Variants in FCSK observed in about 807,000 individuals in gnomAD.
FCSK encodes the protein fucose kinase.
A neutral mutation model predicts 122.5 loss-of-function variants in FCSK; 123 were observed. The ratio of observed to expected loss-of-function variants is 1.00; its 90% CI spans 0.87 to 1.17. The LOEUF (loss-of-function observed/expected upper bound fraction) is 1.17. FCSK is among the 50% of genes most tolerant of loss of function. FCSK has a pLI of 0.00. For missense variants in FCSK, 1,366 were observed against 1,450.4 expected (o/e 0.94, Z 0.95); for synonymous variants, 620 against 625.5 (o/e 0.99, Z 0.13).
At position 70,473,071 on chromosome 16, in the gene FCSK, G is replaced by A; in HGVS notation, c.1495G>A (p.Glu499Lys). The change falls in exon 15 of 24, where the codon GAG becomes AAG. Residue 499 changes from glutamate (E) to lysine (K), a missense_variant. By Grantham distance (56) the Glu-to-Lys change is moderately conservative. Transcript: ENST00000288078. This position sits in a 1 kb window ranked among gnomAD's most constrained non-coding sequence, Gnocchi z 4.9. ...RLFPVLHPSR[E>K]LGPQDLLWML... ...CTTTCCTGTGCTCCACCCCTCGAGGGAGCTGGGACCCCAGGACCTGCTGTG... is the reference window on the plus strand; with the variant it reads ...CTTTCCTGTGCTCCACCCCTCGAGGAAGCTGGGACCCCAGGACCTGCTGTG... 2 of 1,591,142 alleles carry A rather than the reference G, an allele frequency of 1.3e-6. No homozygotes were observed. Among genetic ancestry groups the A allele is most frequent in the Non-Finnish European group, 1.7e-6 (2 of 1,169,682 alleles).
intron 14 of FCSK, 92 bp downstream of exon 14, chr16:70,472,697 C>A: frequency 1.9e-6 from 2 of 1,079,458 alleles, no homozygotes; most frequent in South Asian, 1.5e-5. Context: ...CCCAGAGCAG[C>A]ACGGGCCGTG....
chr16:70,475,596 C>A, intron 19 of FCSK, 52 bp from the exon 20 acceptor site: 1 of 1,576,526 alleles, frequency 6.3e-7, no homozygotes, highest in Non-Finnish European at 8.6e-7. Context: ...GTCAGGCAGG[C>A]CTGGGCAGGG....
At chr16:70,478,132 C>T in intron 20 of FCSK, 140 bp from the exon 21 acceptor site, 1 of 739,646 alleles carries the variant, frequency 1.4e-6, no homozygotes. Flanking sequence ...ACAGAAGCTG[C>T]ATAGCTCACT....
Position 70,474,174 on chromosome 16 carries a change from C to A in FCSK, c.1823C>A (p.Ala608Asp). 1 of 1,561,652 alleles carries A rather than the reference C, an allele frequency of 6.4e-7. No individual in the cohort carries two copies. The highest frequency in any genetic ancestry group is 8.7e-7 in the Non-Finnish European group (1 of 1,153,454). ...GDPGVAARALACVADVLGCMA... is the reference protein window; with the variant it reads ...GDPGVAARALDCVADVLGCMA... ...CCTGGTGTGGCGGCACGGGCACTGG[C>A]CTGTGTGGCGGACGTCCTGGGCTGC... is the stretch of plus-strand genomic sequence containing the variant. The change falls in exon 16 of 24, where the codon GCC (alanine) becomes GAC (aspartate). Residue 608 changes from alanine to aspartate, a missense_variant. Coordinates refer to ENST00000288078, the MANE Select transcript of FCSK (RefSeq NM_145059.3).
intron 9 of FCSK, 35 bp from the exon 10 acceptor site, chr16:70,469,117 C>T: frequency 6.2e-7 from 1 of 1,612,896 alleles, no homozygotes; most frequent in Non-Finnish European, 8.5e-7. Context: ...GAACCCCTGC[C>T]ATGCCAATAG....
At chr16:70,472,005 C>T (rs1225348286) in intron 13 of FCSK, among the ~76,000 whole-genome samples, 2 of 152,214 alleles carry the variant, frequency 1.3e-5, no homozygotes, top group South Asian at 2.1e-4. Flanking sequence ...GATGAGGTTT[C>T]ACCGCGTTAG....
Position 70,479,602 on chromosome 16 carries a change from C to T in FCSK, c.3177C>T (p.His1059=). ...AGGGCCTTGGGAATTACAGCATCCA[C>T]CTGGTTGAAGTGGACACTCAGGGCC... The part of the protein sequence containing the change: ...KTEGLGNYSI[H]LVEVDTQGLS... The change falls in exon 24 of 24, where the codon CAC becomes CAT. Residue 1059 remains histidine (H), a synonymous_variant. Coordinates refer to ENST00000288078, the MANE Select transcript of FCSK (RefSeq NM_145059.3). 6.2e-7 allele frequency: 1 copy of T among 1,614,094 alleles called. No homozygotes were observed. The highest frequency in any genetic ancestry group is 8.5e-7 in the Non-Finnish European group (1 of 1,179,960).
chr16:70,458,889 A>C (rs1477600652), intron 1 of FCSK, among the ~76,000 whole-genome samples: 1 of 152,166 alleles, frequency 6.6e-6, no homozygotes, highest in Non-Finnish European at 1.5e-5. Flanking sequence ...GGTTTATTGT[A>C]GTGGTTAAGC....
chr16:70,474,926 G>A lies in FCSK; in HGVS notation c.2292G>A (p.Val764=), dbSNP rs1383898816. The change falls in exon 18 of 24, where the codon GTG becomes GTA. Residue 764 remains valine, a synonymous_variant. Transcript: ENST00000288078. ...CGGAGCCTGAGCTGTGGCTGGCGGT[G>A]GGGCCTCGGCAGGATGAGATGACTG... is the stretch of plus-strand genomic sequence containing the variant. The part of the protein sequence containing the change: ...RIPEPELWLA[V]GPRQDEMTVK... 6.2e-7 allele frequency: 1 copy of A among 1,611,236 alleles called. No individual in the cohort carries two copies. The highest frequency in any genetic ancestry group is 1.3e-5 in the African/African-American group (1 of 74,914).
At chr16:70,463,145 C>A in intron 1 of FCSK, 24 bp from the exon 2 acceptor site, 1 of 1,349,530 alleles carries the variant, frequency 7.4e-7, no homozygotes, top group Non-Finnish European at 1.1e-6. Flanking sequence ...AAAATAGTCA[C>A]ATCTACCCAT....
intron 2 of FCSK, 126 bp from the exon 3 acceptor site, chr16:70,463,497 A>G: frequency 6.4e-6 from 8 of 1,246,986 alleles, no homozygotes. Context: ...GTGAAGATCT[A>G]GTGGCCTCCT....
At chr16:70,458,476 A>AT (rs905739823) in intron 1 of FCSK, among the ~76,000 whole-genome samples, 1 of 136,402 alleles carries the variant, frequency 7.3e-6, no homozygotes, top group African/African-American at 2.8e-5. Context: ...TTTTAATTTT[A>AT]TTTTTTTTGA....
chr16:70,467,891 T>C lies in FCSK; in HGVS notation c.588T>C (p.Leu196=). 2 of 1,614,064 alleles carry C rather than the reference T, an allele frequency of 1.2e-6. No individual in the cohort carries two copies. Among genetic ancestry groups the C allele is most frequent in the South Asian group, 2.2e-5 (2 of 91,080 alleles). The stretch of plus-strand genomic sequence containing the variant: ...CTGTTTCTCCCTGCACATAGGGCCT[T>C]GTTTTGGACATTTACTACCAGGGCA... The part of the protein sequence containing the change: ...HGVYLTDPQG[L]VLDIYYQGTE... The change falls in exon 8 of 24, where the codon CTT becomes CTC. Residue 196 remains leucine, a synonymous_variant. Coordinates refer to ENST00000288078, the MANE Select transcript of FCSK (RefSeq NM_145059.3).
At chr16:70,475,042 G>A in intron 18 of FCSK, 31 bp downstream of exon 18, 1 of 1,547,892 alleles carries the variant, frequency 6.5e-7, no homozygotes. Flanking sequence ...TGCAGGTGGG[G>A]CTGGCCAGCT....
rs747895504 is a variant in FCSK at position 70,474,922 on chromosome 16, C to T, written c.2288C>T (p.Ala763Val). 5.5e-5 allele frequency: 89 copies of T among 1,610,852 alleles called. No homozygotes were observed. In the East Asian group the frequency reaches 5.6e-4, roughly 10 times the overall value. Residue 763 changes from alanine to valine, a missense_variant, in exon 18 of 24, where the codon GCG becomes GTG. Transcript: ENST00000288078. ...ATCCCGGAGCCTGAGCTGTGGCTGG[C>T]GGTGGGGCCTCGGCAGGATGAGATG... is the stretch of plus-strand genomic sequence containing the variant. ...RRIPEPELWL[A>V]VGPRQDEMTV...
chr16:70,454,657 A>C (rs1291470677), intron 1 of FCSK, 27 bp downstream of exon 1: 5 of 146,962 alleles, frequency 3.4e-5, no homozygotes, highest in Non-Finnish European at 7.4e-5. Context: ...GGGTCGCCGC[A>C]GCGCCCCTTG....
intron 2 of FCSK, 104 bp downstream of exon 2, chr16:70,463,376 C>A: frequency 9.9e-7 from 1 of 1,008,120 alleles, no homozygotes; most frequent in African/African-American, 1.6e-5. Flanking sequence ...GGTTCAAACC[C>A]AGATTGCACT....
In FCSK at chr16:70,478,541, C is replaced by G. The variant is rs1045735446; in HGVS notation, c.2830-10C>G. ...GGTCCTCACCACCCCTTCTCCTGCCCCGTCCGCAGGATGTGCTGAGGAGCT... is the reference window on the plus strand; with the variant it reads ...GGTCCTCACCACCCCTTCTCCTGCCGCGTCCGCAGGATGTGCTGAGGAGCT... On this transcript the variant is annotated splice_polypyrimidine_tract_variant and intron_variant, in intron 21 of 23. Coordinates refer to ENST00000288078, the MANE Select transcript of FCSK (RefSeq NM_145059.3). 10 of 1,613,252 alleles carry G rather than the reference C, an allele frequency of 6.2e-6. No individual in the cohort carries two copies. In the African/African-American group the frequency reaches 1.1e-4, roughly 17 times the overall value.
At chr16:70,455,689 T>G (rs1450163879) in intron 1 of FCSK, among the ~76,000 whole-genome samples, 1 of 151,650 alleles carries the variant, frequency 6.6e-6, no homozygotes, top group Admixed American at 6.6e-5. Context: ...GTCAGGAGTT[T>G]GAGACCAGCG....
Sources: gnomAD v4.1 joint callset for allele counts (sites outside exome capture counted in the v4.1 genomes callset) on GRCh38, gnomAD v4.1.1 for gene constraint, Gnocchi (gnomAD v3.1) non-coding constraint, MANE v1.5 for transcripts, NCBI Gene and HGNC (gene_info 2026-07-23, HGNC 2026-07-21) for gene names.